Variants in ARNT2 observed in about 807,000 individuals in gnomAD.
The protein encoded by ARNT2 is aryl hydrocarbon receptor nuclear translocator 2.
Under a neutral mutation model 91.7 loss-of-function variants are expected in ARNT2, and 36 were observed. That is an observed-to-expected ratio of 0.39 (90% CI 0.30 to 0.52). The LOEUF is 0.52. Ranked by LOEUF, ARNT2 falls within the 20% of genes least tolerant of loss-of-function variation. ARNT2 has a pLI of 0.72. For synonymous variants in ARNT2, 365 were observed against 347.1 expected (o/e 1.05, Z -0.57); for missense variants, 775 against 939.3 (o/e 0.83, Z 2.29).
intron 3 of ARNT2, among the ~76,000 whole-genome samples, chr15:80,469,391 C>T (rs891564256): frequency 2.8e-4 from 42 of 152,060 alleles, no homozygotes; most frequent in Non-Finnish European, 5.9e-4. Context: ...AGAACAAAGG[C>T]TTATTCACAA....
intron 14 of ARNT2, among the ~76,000 whole-genome samples, chr15:80,575,802 C>T (rs984869118): frequency 3.3e-5 from 5 of 152,282 alleles, no homozygotes; most frequent in South Asian, 2.1e-4. Context: ...TCACCTGCTG[C>T]GGCACCTGCT....
chr15:80,520,039 A>G (rs557117997), intron 8 of ARNT2, among the ~76,000 whole-genome samples: 3 of 144,168 alleles, frequency 2.1e-5, no homozygotes, highest in Non-Finnish European at 4.5e-5. Context: ...TATCTTATTT[A>G]GGAACCAAAT....
intron 17 of ARNT2, among the ~76,000 whole-genome samples, chr15:80,584,677 G>A (rs376950486): frequency 3.9e-5 from 6 of 152,240 alleles, no homozygotes; most frequent in East Asian, 1.9e-4. Flanking sequence ...CTAGCCCAGC[G>A]TGGGCACATC....
At chr15:80,520,625 C>A (rs1370996988) in intron 8 of ARNT2, among the ~76,000 whole-genome samples, 1 of 151,870 alleles carries the variant, frequency 6.6e-6, no homozygotes, top group East Asian at 1.9e-4. Flanking sequence ...TTTTGGAGGT[C>A]ATGGTATGTT....
At chr15:80,474,868 A>G in intron 4 of ARNT2, 142 bp from the exon 5 acceptor site, 1 of 892,562 alleles carries the variant, frequency 1.1e-6, no homozygotes. Context: ...TTTTCCAGAA[A>G]CAAAGTTCTC....
At chr15:80,567,310 G>C (rs1898503117) in intron 12 of ARNT2, among the ~76,000 whole-genome samples, 1 of 135,274 alleles carries the variant, frequency 7.4e-6, no homozygotes, top group South Asian at 2.4e-4. Flanking sequence ...ATCTGTTCAA[G>C]ACATAGCTTT....
At chr15:80,441,454 T>C in intron 1 of ARNT2, 1 of 961,234 alleles carries the variant, frequency 1.0e-6, no homozygotes, top group Non-Finnish European at 1.2e-6. Flanking sequence ...AAGAGCGTTT[T>C]TCTTTGGTTA....
At chr15:80,467,803 C>G (rs76401922) in intron 3 of ARNT2, among the ~76,000 whole-genome samples, 2 of 152,070 alleles carry the variant, frequency 1.3e-5, no homozygotes, top group Admixed American at 6.5e-5. Flanking sequence ...TTGGTTGTCT[C>G]GTGACAAGCT....
intron 5 of ARNT2, among the ~76,000 whole-genome samples, chr15:80,490,318 G>T (rs1272998712): frequency 1.3e-5 from 2 of 152,180 alleles, no homozygotes; most frequent in Non-Finnish European, 2.9e-5. Flanking sequence ...CAGGCCTTGA[G>T]GGGTGGGTGT....
At chr15:80,569,258 G>A (rs576138144) in intron 12 of ARNT2, among the ~76,000 whole-genome samples, 3 of 152,234 alleles carry the variant, frequency 2.0e-5, no homozygotes, top group East Asian at 3.9e-4. Flanking sequence ...CCTGCACCTC[G>A]CCGGCAGGAA....
intron 2 of ARNT2, among the ~76,000 whole-genome samples, chr15:80,456,875 T>C (rs909504507): frequency 4.0e-5 from 6 of 151,234 alleles, no homozygotes; most frequent in Non-Finnish European, 4.4e-5. Context: ...CAAGCCAGGC[T>C]GCCAGGCAGG....
intron 8 of ARNT2, among the ~76,000 whole-genome samples, chr15:80,522,187 T>C (rs1209822662): frequency 6.6e-6 from 1 of 152,156 alleles, no homozygotes; most frequent in African/African-American, 2.4e-5. Context: ...TCAGATGTAA[T>C]TATAAATGTT....
chr15:80,537,969 T>C (rs1897851475), intron 8 of ARNT2, among the ~76,000 whole-genome samples: 1 of 152,146 alleles, frequency 6.6e-6, no homozygotes, highest in South Asian at 2.1e-4. Flanking sequence ...AAAGGGGGAA[T>C]TTGGACACAG....
chr15:80,590,809 A>G (rs1252047499), intron 17 of ARNT2, among the ~76,000 whole-genome samples: 1 of 152,184 alleles, frequency 6.6e-6, no homozygotes, highest in Non-Finnish European at 1.5e-5. Context: ...GTTTTTTTGT[A>G]TAAACTGTAG....
chr15:80,458,617 A>G (rs1896511514), intron 3 of ARNT2, among the ~76,000 whole-genome samples: 1 of 151,676 alleles, frequency 6.6e-6, no homozygotes. Flanking sequence ...CATGGGTTAT[A>G]CACATTGCAT....
At chr15:80,515,086 T>G (rs1034003245) in intron 8 of ARNT2, among the ~76,000 whole-genome samples, 1 of 152,194 alleles carries the variant, frequency 6.6e-6, no homozygotes, top group Non-Finnish European at 1.5e-5. Flanking sequence ...GTATTCTCAC[T>G]AAGATGGTTA....
intron 9 of ARNT2, 83 bp downstream of exon 9, chr15:80,551,358 A>T (rs780069800): frequency 2.2e-5 from 28 of 1,277,872 alleles, no homozygotes; most frequent in Non-Finnish European, 2.9e-5. Context: ...TTGGCTGCCT[A>T]TTCTGATCAC....
At chr15:80,440,140 C>T (rs556734654) in intron 1 of ARNT2, among the ~76,000 whole-genome samples, 19 of 152,218 alleles carry the variant, frequency 1.2e-4, no homozygotes, top group Non-Finnish European at 2.5e-4. Context: ...ACCAATCCTT[C>T]CAACCTAGAT....
At chr15:80,497,453 T>C (rs1897137387) in intron 5 of ARNT2, among the ~76,000 whole-genome samples, 2 of 152,366 alleles carry the variant, frequency 1.3e-5, no homozygotes, top group South Asian at 4.1e-4. Flanking sequence ...ACCTGACAAC[T>C]GCAAGGATCT....
Sources: gnomAD v4.1 joint callset for allele counts (sites outside exome capture counted in the v4.1 genomes callset) on GRCh38, gnomAD v4.1.1 for gene constraint, MANE v1.5 for transcripts, NCBI Gene and HGNC (gene_info 2026-07-23, HGNC 2026-07-21) for gene names.